The following NRXN3 variants were observed in gnomAD, a reference collection of about 807,000 sequenced individuals.
NRXN3 encodes the protein neurexin III.
A neutral mutation model predicts 137.6 loss-of-function variants in NRXN3; 32 were observed. The ratio of observed to expected loss-of-function variants is 0.23; its 90% CI spans 0.18 to 0.31. NRXN3 has a LOEUF of 0.31. Among genes scored for constraint, NRXN3 ranks in the 10% least tolerant of loss-of-function variants. The pLI, the probability that NRXN3 is intolerant of heterozygous loss-of-function variation, is 1.00. For missense variants in NRXN3, 1,574 were observed against 2,062.5 expected (o/e 0.76, Z 4.59); for synonymous variants, 798 against 784.5 (o/e 1.02, Z -0.29).
In NRXN3 at chr14:78,736,285, T is replaced by C. The variant is rs1216968962; in HGVS notation, c.2044+21146T>C. On this transcript the variant is annotated intron_variant, in intron 8 of 20. Coordinates refer to ENST00000335750, the MANE Select transcript of NRXN3 (RefSeq NM_001330195.2). The stretch of plus-strand genomic sequence containing the variant: ...GATGTAGTTAAAAGGCAAGATGGTG[T>C]GATGGATAGACTGTAGGTTTTGGTG... Among the ~76,000 whole-genome samples, 2 of 152,186 alleles carry C rather than the reference T, an allele frequency of 1.3e-5. 1 individual carries two copies. Among genetic ancestry groups the C allele is most frequent in the South Asian group, 4.1e-4 (2 of 4,826 alleles).
At chr14:78,527,478 C>T (rs1243227709) in intron 4 of NRXN3, among the ~76,000 whole-genome samples, 1 of 152,156 alleles carries the variant, frequency 6.6e-6, no homozygotes, top group Non-Finnish European at 1.5e-5. Context: ...TCCCATGATC[C>T]AACCACCTCC....
At chr14:79,198,533 A>T (rs1156367822) in intron 15 of NRXN3, among the ~76,000 whole-genome samples, 2 of 152,260 alleles carry the variant, frequency 1.3e-5, no homozygotes, top group Non-Finnish European at 2.9e-5. Flanking sequence ...CAGCTGAACG[A>T]TGTGCATTAC....
At chr14:78,638,628 A>G (rs1055534893) in intron 4 of NRXN3, among the ~76,000 whole-genome samples, 3 of 151,404 alleles carry the variant, frequency 2.0e-5, no homozygotes, top group Non-Finnish European at 2.9e-5. Flanking sequence ...TGATCATCTC[A>G]CAGCTCAGCA....
intron 15 of NRXN3, among the ~76,000 whole-genome samples, chr14:79,363,351 GA>G (rs1341688532): frequency 6.6e-6 from 1 of 152,110 alleles, no homozygotes; most frequent in Admixed American, 6.5e-5. Context: ...CATTTAGATT[GA>G]AATATCTGTC....
intron 16 of NRXN3, among the ~76,000 whole-genome samples, chr14:79,577,852 G>C (rs1486236837): frequency 6.6e-6 from 1 of 152,186 alleles, no homozygotes; most frequent in African/African-American, 2.4e-5. Flanking sequence ...TCTTACATCT[G>C]TTTGCACAGC....
chr14:78,845,543 C>T (rs1478714921), intron 10 of NRXN3, among the ~76,000 whole-genome samples: 1 of 151,904 alleles, frequency 6.6e-6, no homozygotes, highest in Non-Finnish European at 1.5e-5. Context: ...GACTTCTGCT[C>T]CTCCTTCCTG....
intron 15 of NRXN3, among the ~76,000 whole-genome samples, chr14:79,036,230 A>G (rs544010869): frequency 5.9e-5 from 9 of 152,064 alleles, no homozygotes; most frequent in Non-Finnish European, 1.0e-4. Flanking sequence ...CCAACTTCTT[A>G]TAACACAATT....
At chr14:78,620,070 C>A (rs1354929434) in intron 4 of NRXN3, among the ~76,000 whole-genome samples, 2 of 152,170 alleles carry the variant, frequency 1.3e-5, no homozygotes, top group Admixed American at 6.5e-5. Flanking sequence ...GCAGCCCAAA[C>A]TGGCTAAGAT....
At chr14:78,244,302 C>T (rs531533541) in intron 2 of NRXN3, among the ~76,000 whole-genome samples, 3 of 152,172 alleles carry the variant, frequency 2.0e-5, no homozygotes, top group South Asian at 2.1e-4. Flanking sequence ...TGGTGGCGCA[C>T]GCCTGTAGTC....
chr14:79,087,001 A>G (rs2048253646), intron 15 of NRXN3, among the ~76,000 whole-genome samples: 1 of 152,202 alleles, frequency 6.6e-6, no homozygotes, highest in Non-Finnish European at 1.5e-5. Flanking sequence ...GAGAGCAACA[A>G]TAACTTTACA....
intron 16 of NRXN3, among the ~76,000 whole-genome samples, chr14:79,531,179 G>A (rs145905273): frequency 1.3e-4 from 20 of 152,202 alleles, no homozygotes; most frequent in South Asian, 4.1e-4. Context: ...CATTGCTTCC[G>A]TTTAGCTAAT....
chr14:78,300,928 G>A (rs928397005), intron 4 of NRXN3, among the ~76,000 whole-genome samples: 1 of 152,178 alleles, frequency 6.6e-6, no homozygotes, highest in East Asian at 1.9e-4. Flanking sequence ...AACTGAGGGC[G>A]GGCCTTCTGC....
intron 4 of NRXN3, among the ~76,000 whole-genome samples, chr14:78,520,991 G>A: frequency 6.6e-6 from 1 of 152,190 alleles, no homozygotes; most frequent in Non-Finnish European, 1.5e-5. Context: ...TATGACTTCT[G>A]AATGACATTG....
intron 16 of NRXN3, among the ~76,000 whole-genome samples, chr14:79,484,641 A>C (rs2096639109): frequency 6.6e-6 from 1 of 152,108 alleles, no homozygotes; most frequent in South Asian, 2.1e-4. Context: ...CCCTGGAGAC[A>C]TTTGATTTTG....
chr14:79,573,468 AT>A (rs1348301396), intron 16 of NRXN3, among the ~76,000 whole-genome samples: 1 of 152,026 alleles, frequency 6.6e-6, no homozygotes, highest in African/African-American at 2.4e-5. Context: ...AAAATTGGAA[AT>A]GTGAAATTTT....
At chr14:79,587,750 C>G (rs539372456) in intron 16 of NRXN3, among the ~76,000 whole-genome samples, 1 of 152,296 alleles carries the variant, frequency 6.6e-6, no homozygotes, top group South Asian at 2.1e-4. Context: ...ACTGCCTTTC[C>G]AAACACCAGC....
intron 10 of NRXN3, among the ~76,000 whole-genome samples, chr14:78,833,191 T>A (rs1306666145): frequency 5.3e-5 from 8 of 152,196 alleles, no homozygotes. Flanking sequence ...TTTAACAAAT[T>A]CTGTAATTAG....
At chr14:79,169,770 A>G (rs17108805) in intron 15 of NRXN3, among the ~76,000 whole-genome samples, 35,525 of 152,040 alleles carry the variant, frequency 0.23, 4,374 homozygotes, top group Middle Eastern at 0.27. Flanking sequence ...TATATTTTCC[A>G]TGGAATGCTG....
intron 4 of NRXN3, among the ~76,000 whole-genome samples, 191 bp downstream of exon 4, chr14:78,298,051 C>T (rs1431860424): frequency 6.6e-6 from 1 of 152,240 alleles, no homozygotes; most frequent in African/African-American, 2.4e-5. Context: ...TGGTTTCCCA[C>T]CCCTATTGTC....
Sources: allele counts gnomAD v4.1 joint callset (sites outside exome capture counted in the v4.1 genomes callset), GRCh38; gene constraint gnomAD v4.1.1; transcripts MANE v1.5; gene names NCBI Gene and HGNC (gene_info 2026-07-23, HGNC 2026-07-21).